Variants in RNF144A observed in about 807,000 individuals in gnomAD.
RNF144A encodes E3 ubiquitin-protein ligase RNF144A.
In RNF144A, 11 loss-of-function variants were observed where a neutral mutation model predicts 38.7. That is an observed-to-expected ratio of 0.28 (90% CI 0.18 to 0.47). The LOEUF is 0.47. Among genes scored for constraint, RNF144A ranks in the 20% least tolerant of loss-of-function variants. The pLI is 0.99. For missense variants in RNF144A, 316 were observed against 377.2 expected (o/e 0.84, Z 1.34); for synonymous variants, 149 against 143.9 (o/e 1.04, Z -0.25).
chr2:7,020,791 A>G (rs1000168944), intron 6 of RNF144A, 111 bp downstream of exon 6: 6 of 855,474 alleles, frequency 7.0e-6, no homozygotes, highest in South Asian at 4.5e-5. Context: ...GGCTCAGTCA[A>G]CCCTAACACA....
At chr2:7,023,356 C>T (rs957429583) in intron 6 of RNF144A, among the ~76,000 whole-genome samples, 1 of 152,082 alleles carries the variant, frequency 6.6e-6, no homozygotes. Context: ...ATCCTTCAGC[C>T]AGAATGCACT....
intron 2 of RNF144A, among the ~76,000 whole-genome samples, chr2:6,950,240 T>A (rs563433274): frequency 2.6e-5 from 4 of 152,360 alleles, no homozygotes; most frequent in African/African-American, 7.2e-5. Context: ...TAATCTTTCC[T>A]TGCTATTTTA....
At chr2:7,019,663 G>C (rs1029402691) in intron 5 of RNF144A, among the ~76,000 whole-genome samples, 4 of 152,218 alleles carry the variant, frequency 2.6e-5, no homozygotes, top group Non-Finnish European at 5.9e-5. Flanking sequence ...CATCATGCTG[G>C]ACAAGAGGGA....
intron 2 of RNF144A, among the ~76,000 whole-genome samples, chr2:6,980,121 T>A (rs919490524): frequency 6.6e-6 from 1 of 152,180 alleles, no homozygotes; most frequent in African/African-American, 2.4e-5. Context: ...CTGGGTCTGT[T>A]GTCCCTCAAC....
intron 6 of RNF144A, among the ~76,000 whole-genome samples, chr2:7,051,218 G>C (rs1553353366): frequency 1.3e-5 from 2 of 152,134 alleles, no homozygotes; most frequent in Non-Finnish European, 2.9e-5. Flanking sequence ...GATTGGGAGG[G>C]AATGCCACCA....
At chr2:7,018,798 A>G (rs1671314451) in intron 5 of RNF144A, among the ~76,000 whole-genome samples, 1 of 151,964 alleles carries the variant, frequency 6.6e-6, no homozygotes, top group Non-Finnish European at 1.5e-5. Context: ...CCTGTTCCTG[A>G]CCTCCAGCGT....
intron 6 of RNF144A, among the ~76,000 whole-genome samples, chr2:7,050,725 C>G (rs1280436448): frequency 1.3e-5 from 2 of 152,190 alleles, no homozygotes; most frequent in East Asian, 3.9e-4. Flanking sequence ...GAATGGAGAG[C>G]AACAGTCTTT....
intron 1 of RNF144A, among the ~76,000 whole-genome samples, chr2:6,935,749 A>G (rs1358486104): frequency 6.6e-6 from 1 of 151,948 alleles, no homozygotes; most frequent in Non-Finnish European, 1.5e-5. Context: ...TGTTAATGGT[A>G]ACAGCATGTA....
At chr2:6,979,238 G>A (rs1400210030) in intron 2 of RNF144A, among the ~76,000 whole-genome samples, 1 of 152,214 alleles carries the variant, frequency 6.6e-6, no homozygotes, top group Non-Finnish European at 1.5e-5. Context: ...CTTGGCCAAG[G>A]CTGTAGGGAT....
intron 2 of RNF144A, among the ~76,000 whole-genome samples, chr2:6,952,489 G>C (rs193037083): frequency 6.6e-6 from 1 of 151,028 alleles, no homozygotes; most frequent in African/African-American, 2.4e-5. Context: ...AACTGAAAAC[G>C]AGACCTAGTG....
rs112374295 is a variant in RNF144A, at chr2:7,033,571, C to T, written c.747+3356C>T. 2.5e-3 allele frequency among the ~76,000 whole-genome samples: 384 copies of T among 152,328 alleles called. 3 individuals carry two copies. Among genetic ancestry groups the T allele is most frequent in the Middle Eastern group, 0.017 (5 of 294 alleles). ...CAGCTTGGTCTTCATCACTCTCTTCCTCTACTTCTCCTGTTCCTGCCCAGC... is the reference window on the plus strand; with the variant it reads ...CAGCTTGGTCTTCATCACTCTCTTCTTCTACTTCTCCTGTTCCTGCCCAGC... On this transcript the variant is annotated intron_variant, in intron 8 of 8. Transcript: ENST00000320892.
chr2:7,047,065 G>A (rs1006352102), downstream of RNF144A, among the ~76,000 whole-genome samples: 2 of 152,188 alleles, frequency 1.3e-5, no homozygotes, highest in Admixed American at 6.5e-5. Context: ...AAAAGCTTCT[G>A]ACAGTTGGAC....
intron 2 of RNF144A, among the ~76,000 whole-genome samples, chr2:6,983,962 A>T (rs1668798304): frequency 6.6e-6 from 1 of 152,176 alleles, no homozygotes; most frequent in Non-Finnish European, 1.5e-5. Context: ...CCAGAATGTG[A>T]CTACTTGCCA....
intron 8 of RNF144A, among the ~76,000 whole-genome samples, chr2:7,034,366 G>A (rs756500055): frequency 2.0e-5 from 3 of 152,152 alleles, no homozygotes; most frequent in Non-Finnish European, 4.4e-5. Flanking sequence ...TGTAGCAAGC[G>A]ACAGCGTGCA....
intron 2 of RNF144A, among the ~76,000 whole-genome samples, chr2:6,968,204 G>A (rs1410275721): frequency 6.6e-6 from 1 of 152,192 alleles, no homozygotes; most frequent in East Asian, 1.9e-4. Flanking sequence ...TCTTCTCTGG[G>A]CCACCCTTGA....
intron 2 of RNF144A, among the ~76,000 whole-genome samples, chr2:6,985,388 G>C (rs892858576): frequency 6.6e-6 from 1 of 151,176 alleles, no homozygotes; most frequent in African/African-American, 2.4e-5. Context: ...ATTCTTCCCT[G>C]GTTGGCTTTT....
At chr2:6,952,051 T>G (rs973859200) in intron 2 of RNF144A, among the ~76,000 whole-genome samples, 3 of 152,182 alleles carry the variant, frequency 2.0e-5, no homozygotes, top group Non-Finnish European at 2.9e-5. Flanking sequence ...TAAATGTCAT[T>G]AGGTTAAGGA....
At chr2:6,992,916 A>C (rs1277645952) in intron 2 of RNF144A, among the ~76,000 whole-genome samples, 1 of 152,272 alleles carries the variant, frequency 6.6e-6, no homozygotes, top group Non-Finnish European at 1.5e-5. Flanking sequence ...CTTAAATTGA[A>C]TAATACTTAT....
chr2:6,938,978 C>A (rs144471425), intron 1 of RNF144A, among the ~76,000 whole-genome samples: 9 of 152,004 alleles, frequency 5.9e-5, no homozygotes, highest in African/African-American at 2.2e-4. Context: ...TTTAGACATT[C>A]ACTAGTTGAT....
Sources: gnomAD v4.1 joint callset for allele counts (sites outside exome capture counted in the v4.1 genomes callset) on GRCh38, gnomAD v4.1.1 for gene constraint, MANE v1.5 for transcripts, NCBI Gene and HGNC (gene_info 2026-07-23, HGNC 2026-07-21) for gene names.